SEMA4D: variants seen among roughly 807,000 people sequenced by gnomAD.
SEMA4D encodes semaphorin-4D.
A neutral mutation model predicts 74.8 loss-of-function variants in SEMA4D; 22 were observed. That is an observed-to-expected ratio of 0.29 (90% confidence interval 0.21 to 0.42). SEMA4D has a LOEUF of 0.42. SEMA4D is among the 10% of genes least tolerant of loss of function. SEMA4D has a pLI of 1.00. For synonymous variants in SEMA4D, 445 were observed against 463.7 expected, an observed-to-expected ratio of 0.96 and a Z score of 0.52; for missense variants, 937 against 1,118.4, an observed-to-expected ratio of 0.84 and a Z score of 2.31.
Position 89,440,179 on chromosome 9 carries a change from C to T in SEMA4D, c.-244+15709G>A, listed in dbSNP as rs552990643. 7.2e-5 allele frequency among the ~76,000 whole-genome samples: 11 copies of T among 152,264 alleles called. No individual in the cohort carries two copies. In the South Asian group the frequency reaches 8.3e-4, roughly 11 times the overall value. ...CATCTCCATCCACACCCACCCGGGA[C>T]GAGCCCTGGAGTGGTGCTGGCTCCT... On this transcript the variant is annotated intron_variant, in intron 2 of 15. Coordinates refer to ENST00000422704, the MANE Select transcript of SEMA4D (RefSeq NM_001371194.2).
intron 1 of SEMA4D, among the ~76,000 whole-genome samples, chr9:89,482,811 GGA>G (rs1824830510): frequency 6.6e-6 from 1 of 152,138 alleles, no homozygotes; most frequent in African/African-American, 2.4e-5. Flanking sequence ...AAGAGAAAGG[GGA>G]GAGAGCATGT....
Position 89,388,712 on chromosome 9 carries a change from T to C in SEMA4D, c.1031A>G (p.Gln344Arg), listed in dbSNP as rs1374021085. The C allele has an allele frequency of 6.2e-7, 1 of 1,610,664 alleles. No individual in the cohort carries two copies. The highest frequency in any genetic ancestry group is 1.1e-5 in the South Asian group (1 of 91,026). The change falls in exon 11 of 16, where the codon CAG becomes CGG. Residue 344 changes from glutamine to arginine, a missense_variant. Physicochemically the swap from Gln to Arg is conservative, Grantham distance 43 (BLOSUM62 1). Coordinates refer to ENST00000422704, the MANE Select transcript of SEMA4D (RefSeq NM_001371194.2). ...EEVFSHGKYM[Q>R]STTVEQSHTK... The stretch of plus-strand genomic sequence containing the variant: ...GTGGGACTGCTCCACTGTGGTGCTC[T>C]GCATGTACTTCCCGTGGGAGAAGAC...
chr9:89,429,958 G>T (rs761903923), intron 2 of SEMA4D, among the ~76,000 whole-genome samples: 9 of 151,904 alleles, frequency 5.9e-5, no homozygotes, highest in Non-Finnish European at 1.3e-4. Context: ...CACATAACAA[G>T]AAAACCTCAT....
At chr9:89,495,730 T>C (rs977000314) in intron 1 of SEMA4D, among the ~76,000 whole-genome samples, 1 of 152,078 alleles carries the variant, frequency 6.6e-6, no homozygotes, top group Non-Finnish European at 1.5e-5. Context: ...CCATGGGTCC[T>C]AGCTCCAACC....
intron 1 of SEMA4D, among the ~76,000 whole-genome samples, chr9:89,459,861 A>G (rs2135652716): frequency 6.6e-6 from 1 of 152,356 alleles, no homozygotes; most frequent in South Asian, 2.1e-4. Flanking sequence ...GCCAGCATTC[A>G]GTTACTAAAT....
intron 8 of SEMA4D, among the ~76,000 whole-genome samples, chr9:89,392,093 CATT>C (rs1839996783): frequency 6.6e-6 from 1 of 152,240 alleles, no homozygotes; most frequent in Non-Finnish European, 1.5e-5. Flanking sequence ...ACTTTAATAT[CATT>C]CTGGAAATTA....
intron 1 of SEMA4D, among the ~76,000 whole-genome samples, chr9:89,483,084 A>T (rs1029622227): frequency 4.6e-5 from 7 of 152,242 alleles, no homozygotes; most frequent in African/African-American, 1.7e-4. Flanking sequence ...GGTTTCGCCA[A>T]GCTGGCAAAA....
At chr9:89,367,779 C>T (rs886348191) in intron 16 of SEMA4D, 3 of 152,218 alleles carry the variant, frequency 2.0e-5, no homozygotes, top group Non-Finnish European at 4.4e-5. Flanking sequence ...TAAGCAAGGG[C>T]CAGGTTTATT....
At chr9:89,441,263 G>A (rs150601321) in intron 2 of SEMA4D, among the ~76,000 whole-genome samples, 7 of 152,316 alleles carry the variant, frequency 4.6e-5, no homozygotes, top group Non-Finnish European at 5.9e-5. Context: ...CCACACACGC[G>A]CAGGACTCGG....
At position 89,379,417 on chromosome 9, in the gene SEMA4D, A is replaced by T; in HGVS notation, c.1876T>A (p.Ser626Thr). Residue 626 changes from serine (S) to threonine (T), a missense_variant, in exon 16 of 16, where the codon TCA (serine) becomes ACA (threonine). By Grantham distance (58) the Ser-to-Thr change is moderately conservative (BLOSUM62 1). Transcript: ENST00000422704. Reference sequence around the variant, plus strand: ...GTTTTGTTCTTAACCCTCTCCTCTGACAGGCACTGGTACACCCCACTGTCT... The same window carrying T: ...GTTTTGTTCTTAACCCTCTCCTCTGTCAGGCACTGGTACACCCCACTGTCT... The part of the protein sequence containing the change: ...EGDSGVYQCL[S>T]EERVKNKTVF... The T allele has an allele frequency of 6.2e-7, 1 of 1,614,178 alleles. No individual in the cohort carries two copies.
At chr9:89,426,312 T>C (rs1848095039) in intron 2 of SEMA4D, among the ~76,000 whole-genome samples, 4 of 152,222 alleles carry the variant, frequency 2.6e-5, no homozygotes, top group Admixed American at 2.6e-4. Context: ...AATGCCACTT[T>C]CCTTGCTTTC....
At chr9:89,376,154 T>C (rs36050908), downstream of SEMA4D, among the ~76,000 whole-genome samples, 28,865 of 152,228 alleles carry the variant, frequency 0.19, 2,924 homozygotes, top group Non-Finnish European at 0.23. Context: ...ACGAAGCAAG[T>C]CATTAAAACA....
At chr9:89,465,290 G>A (rs59528265) in intron 1 of SEMA4D, among the ~76,000 whole-genome samples, 1,729 of 152,244 alleles carry the variant, frequency 0.011, 35 homozygotes, top group African/African-American at 0.038. Context: ...CCATCCATCC[G>A]GTGAGATTGC....
In SEMA4D at chr9:89,495,294, C is replaced by T. The variant is rs1416739814; in HGVS notation, c.-310+2625G>A. On this transcript the variant is annotated intron_variant, in intron 1 of 15. Coordinates refer to ENST00000422704, the MANE Select transcript of SEMA4D (RefSeq NM_001371194.2). Reference sequence around the variant, plus strand: ...GTCACAGAAGCTGAAAAGTGACCCACAAGCAGCAAAGCAATTTGCTTATCC... The same window carrying T: ...GTCACAGAAGCTGAAAAGTGACCCATAAGCAGCAAAGCAATTTGCTTATCC... Among the ~76,000 whole-genome samples, 4 of 152,314 alleles carry T rather than the reference C, an allele frequency of 2.6e-5. No homozygotes were observed. The East Asian group carries it at 7.7e-4, about 29-fold the overall frequency.
intron 5 of SEMA4D, 55 bp from the exon 6 acceptor site, chr9:89,396,890 T>C: frequency 6.8e-7 from 1 of 1,479,016 alleles, no homozygotes; most frequent in South Asian, 1.2e-5. Flanking sequence ...TGCCCTCCAC[T>C]ATTCAAACTG....
chr9:89,482,789 C>T (rs145606089), intron 1 of SEMA4D, among the ~76,000 whole-genome samples: 118 of 152,308 alleles, frequency 7.7e-4, no homozygotes, highest in African/African-American at 2.7e-3. Context: ...AGCATGGTCT[C>T]CTCGCTGAGA....
At chr9:89,455,353 C>T (rs1855679153) in intron 2 of SEMA4D, among the ~76,000 whole-genome samples, 1 of 152,252 alleles carries the variant, frequency 6.6e-6, no homozygotes. Flanking sequence ...AAGCCACTGC[C>T]TTTGCCAGAC....
intron 1 of SEMA4D, among the ~76,000 whole-genome samples, chr9:89,460,451 A>C (rs914823133): frequency 2.0e-5 from 3 of 152,220 alleles, no homozygotes; most frequent in Non-Finnish European, 4.4e-5. Flanking sequence ...GCCTCTTCTT[A>C]CTAAGTCTGG....
intron 2 of SEMA4D, among the ~76,000 whole-genome samples, chr9:89,420,636 G>C (rs1003226852): frequency 5.3e-5 from 8 of 152,356 alleles, no homozygotes; most frequent in Non-Finnish European, 7.3e-5. Context: ...ACATGACCTC[G>C]CCTTCTGGGC....
Sources: allele counts gnomAD v4.1 joint callset (sites outside exome capture counted in the v4.1 genomes callset), GRCh38; gene constraint gnomAD v4.1.1; transcripts MANE v1.5; gene names NCBI Gene and HGNC (gene_info 2026-07-23, HGNC 2026-07-21).